MACF1: variants seen among roughly 807,000 people sequenced by gnomAD.
MACF1 encodes the protein microtubule-actin cross-linking factor 1.
Under a neutral mutation model 854.8 loss-of-function variants are expected in MACF1, and 193 were observed. The observed-to-expected ratio is 0.23, with a 90% confidence interval of 0.20 to 0.25. The LOEUF is 0.25. Ranked by LOEUF, MACF1 falls within the 10% of genes least tolerant of loss-of-function variation. The probability of loss-of-function intolerance (pLI) is 1.00; values close to 1 mark genes in which losing one functional copy is unlikely to be tolerated. For missense variants in MACF1, 7,722 were observed against 8,929.1 expected (o/e 0.86, Z 5.45); for synonymous variants, 3,185 against 3,226.7 (o/e 0.99, Z 0.44).
chr1:39,194,513 C>T (rs1644296457), intron 2 of MACF1, among the ~76,000 whole-genome samples: 1 of 151,334 alleles, frequency 6.6e-6, no homozygotes, highest in Non-Finnish European at 1.5e-5. Flanking sequence ...GCCACCATGC[C>T]CGGCTAATTT....
intron 1 of MACF1, among the ~76,000 whole-genome samples, chr1:39,213,767 G>C (rs1352161608): frequency 3.9e-5 from 6 of 152,024 alleles, no homozygotes; most frequent in Non-Finnish European, 7.4e-5. Flanking sequence ...ATTCTAGGAG[G>C]ACCCTTCATC....
intron 2 of MACF1, 26 bp downstream of exon 2, chr1:39,231,269 C>A: frequency 6.3e-7 from 1 of 1,599,006 alleles, no homozygotes; most frequent in Non-Finnish European, 8.6e-7. Flanking sequence ...ATATATGCTG[C>A]CCCAGCACCT....
intron 52 of MACF1, among the ~76,000 whole-genome samples, chr1:39,375,224 T>C (rs1649612256): frequency 6.6e-6 from 1 of 152,152 alleles, no homozygotes; most frequent in Admixed American, 6.5e-5. Context: ...TCAGTAAGAA[T>C]ATTGAGACTA....
rs56404463 is a variant in MACF1 at position 39,166,416 on chromosome 1, ATATTTATT to A, written c.221-64737_221-64730del. Among the ~76,000 whole-genome samples the A allele has an allele frequency of 8.3e-3, 1,242 of 149,222 alleles. 17 individuals carry two copies. The highest frequency in any genetic ancestry group is 8.2e-3 in the African/African-American group (329 of 40,122). On this transcript the variant is annotated intron_variant, in intron 2 of 93. Coordinates refer to the MACF1 transcript ENST00000361689. The stretch of plus-strand genomic sequence containing the variant: ...TTTAACCATGCCCTGCCAGCACTAG[ATATTTATT>A]TATTTATTTATTTATTTATTTATTT...
chr1:39,485,822 T>A lies in MACF1; in HGVS notation c.*28T>A, dbSNP rs771288512. ...CTGTCTAAGCACCCCCAAGCCACTATCCACTTTGAATCCTGCTCCATACAT... is the reference window on the plus strand; with the variant it reads ...CTGTCTAAGCACCCCCAAGCCACTAACCACTTTGAATCCTGCTCCATACAT... On this transcript the variant is annotated 3_prime_UTR_variant, in exon 101 of 101. Transcript: ENST00000564288. 24 of 1,546,866 alleles carry A rather than the reference T, an allele frequency of 1.6e-5. No individual in the cohort carries two copies. In the South Asian group the frequency reaches 2.2e-4, roughly 14 times the overall value.
intron 58 of MACF1, chr1:39,412,831 G>GA (rs1557639697): frequency 6.2e-7 from 1 of 1,612,228 alleles, no homozygotes; most frequent in East Asian, 2.2e-5. Flanking sequence ...CAGCCCAGAG[G>GA]AGGGTACCTC....
intron 2 of MACF1, among the ~76,000 whole-genome samples, chr1:39,198,703 T>TA (rs1387447671): frequency 2.7e-5 from 4 of 150,032 alleles, no homozygotes; most frequent in African/African-American, 9.8e-5. Flanking sequence ...CACACACCTG[T>TA]AGTCACAGCT....
At chr1:39,097,737 C>G (rs551925263) in intron 2 of MACF1, among the ~76,000 whole-genome samples, 1 of 151,202 alleles carries the variant, frequency 6.6e-6, no homozygotes, top group East Asian at 1.9e-4. Context: ...AAAAGAAATT[C>G]ATCAAGGGAA....
In MACF1 at chr1:39,331,547, A is replaced by G. The variant is rs1224277653; in HGVS notation, c.4959A>G (p.Glu1653=). ...AGACAGTTGGACTGAAAATCTTAGA[A>G]GCTCACCTGGCAACTGGAGGTTTCA... ...ISETVGLKIL[E]AHLATGGFSL... The change falls in exon 37 of 101, where the codon GAA becomes GAG. Residue 1653 remains glutamate, a synonymous_variant. Coordinates refer to ENST00000564288, the MANE Select transcript of MACF1 (RefSeq NM_001394062.1). The G allele has an allele frequency of 6.2e-7, 1 of 1,614,092 alleles. No homozygotes were observed. The highest frequency in any genetic ancestry group is 1.7e-5 in the Admixed American group (1 of 60,000).
At chr1:39,170,934 C>G (rs1357057947) in intron 2 of MACF1, among the ~76,000 whole-genome samples, 1 of 152,088 alleles carries the variant, frequency 6.6e-6, no homozygotes, top group African/African-American at 2.4e-5. Flanking sequence ...AGGCCTGAGA[C>G]CTCTTTCCCT....
At chr1:39,202,037 G>C (rs1051609470), upstream of MACF1, among the ~76,000 whole-genome samples, 8 of 123,072 alleles carry the variant, frequency 6.5e-5, no homozygotes, top group Non-Finnish European at 9.5e-5. Context: ...CGCAATCTCG[G>C]CTCACTGCAA....
Position 39,283,904 on chromosome 1 carries a change from T to C in MACF1, c.916-162T>C, listed in dbSNP as rs1430162680. ...AAATTGAACCCCATCCTGAGAGCCCTTGAGGAGCTTTGAAGCTAGTACTGT... is the reference window on the plus strand; with the variant it reads ...AAATTGAACCCCATCCTGAGAGCCCCTGAGGAGCTTTGAAGCTAGTACTGT... On this transcript the variant is annotated intron_variant, in intron 9 of 100. Coordinates refer to ENST00000564288, the MANE Select transcript of MACF1 (RefSeq NM_001394062.1). This position sits in a 1 kb window ranked among gnomAD's most constrained non-coding sequence, Gnocchi z 4.5. Among the ~76,000 whole-genome samples the C allele has an allele frequency of 6.6e-6, 1 of 152,152 alleles. No homozygotes were observed. The highest frequency in any genetic ancestry group is 2.4e-5 in the African/African-American group (1 of 41,430).
chr1:39,274,879 G>A (rs1282515069), intron 6 of MACF1, among the ~76,000 whole-genome samples: 2 of 152,024 alleles, frequency 1.3e-5, no homozygotes, highest in Non-Finnish European at 2.9e-5. Context: ...ATTAATACAA[G>A]TAATCACAAT....
Position 39,334,413 on chromosome 1 carries a change from G to T in MACF1, c.7825G>T (p.Val2609Leu). 3 of 1,614,042 alleles carry T rather than the reference G, an allele frequency of 1.9e-6. No homozygotes were observed. The highest frequency in any genetic ancestry group is 2.5e-6 in the Non-Finnish European group (3 of 1,179,940). ...KKEGLLTNEA[V>L]LSPGMMHGIV... ...AGAAGGACTGTTAACTAATGAAGCA[G>T]TATTGTCTCCAGGAATGATGCATGG... Residue 2609 changes from valine to leucine, a missense_variant, in exon 37 of 101, where the codon GTA (valine) becomes TTA (leucine). This residue lies in a region of MACF1 where 1,531 missense variants were observed against 1,601.6 expected (regional missense o/e 0.96). Coordinates refer to ENST00000564288, the MANE Select transcript of MACF1 (RefSeq NM_001394062.1).
intron 66 of MACF1, among the ~76,000 whole-genome samples, chr1:39,432,291 C>G (rs1643888744): frequency 6.6e-6 from 1 of 152,160 alleles, no homozygotes; most frequent in Admixed American, 6.5e-5. Context: ...GGATTGATAT[C>G]TGTTATTTCT....
intron 6 of MACF1, among the ~76,000 whole-genome samples, chr1:39,278,084 G>T (rs1370317669): frequency 6.6e-6 from 1 of 152,242 alleles, no homozygotes; most frequent in Non-Finnish European, 1.5e-5. Flanking sequence ...CAGGCATACT[G>T]TTGAGGCTGT....
chr1:39,219,971 G>T (rs1415422990), intron 1 of MACF1, among the ~76,000 whole-genome samples: 2 of 151,974 alleles, frequency 1.3e-5, no homozygotes, highest in African/African-American at 4.8e-5. Flanking sequence ...GGCTAGTCTC[G>T]AACTCCTGAC....
At chr1:39,319,171 A>G (rs1646467251) in intron 30 of MACF1, among the ~76,000 whole-genome samples, 1 of 152,090 alleles carries the variant, frequency 6.6e-6, no homozygotes, top group South Asian at 2.1e-4. Context: ...AAATGGACAT[A>G]GTTTGTTATT....
intron 51 of MACF1, 35 bp downstream of exon 51, chr1:39,370,221 G>T: frequency 6.4e-7 from 1 of 1,569,696 alleles, no homozygotes; most frequent in Admixed American, 1.9e-5. Context: ...AATTGGGCTA[G>T]GCACTGGTTT....
Sources: allele counts gnomAD v4.1 joint callset (sites outside exome capture counted in the v4.1 genomes callset), GRCh38; gene constraint gnomAD v4.1.1; regional missense constraint gnomAD v4.1.1; non-coding constraint Gnocchi (gnomAD v3.1); transcripts MANE v1.5; gene names NCBI Gene and HGNC (gene_info 2026-07-23, HGNC 2026-07-21).